The following ARL15 variants were observed in gnomAD, a reference collection of about 807,000 sequenced individuals.
The protein encoded by ARL15 is ARF like GTPase 15.
A neutral mutation model predicts 25.2 loss-of-function variants in ARL15; 19 were observed. The observed-to-expected ratio is 0.75, with a 90% CI of 0.53 to 1.10. The LOEUF is 1.10. Among genes scored for constraint, ARL15 ranks in the 50% least tolerant of loss-of-function variants. The pLI is 0.00. For synonymous variants in ARL15, 94 were observed against 86.8 expected (o/e 1.08, Z -0.46); for missense variants, 220 against 246.0 (o/e 0.89, Z 0.71).
chr5:54,028,627 T>A (rs1749866848), intron 4 of ARL15, among the ~76,000 whole-genome samples: 1 of 152,228 alleles, frequency 6.6e-6, no homozygotes, highest in Non-Finnish European at 1.5e-5. Context: ...TAATCTGTTC[T>A]ACCCAACACT....
intron 4 of ARL15, among the ~76,000 whole-genome samples, chr5:54,056,523 G>C (rs185561157): frequency 2.6e-5 from 4 of 151,300 alleles, no homozygotes; most frequent in African/African-American, 7.3e-5. Flanking sequence ...CCAGCTACTC[G>C]GGAGGCTGAG....
intron 4 of ARL15, among the ~76,000 whole-genome samples, chr5:53,925,160 G>T (rs1745978093): frequency 6.6e-6 from 1 of 151,160 alleles, no homozygotes. Flanking sequence ...TCCTAACTTG[G>T]GCCATTTAAA....
intron 1 of ARL15, among the ~76,000 whole-genome samples, chr5:54,229,268 T>G (rs1206478887): frequency 6.6e-6 from 1 of 152,198 alleles, no homozygotes; most frequent in Non-Finnish European, 1.5e-5. Flanking sequence ...TCTCAAAGTT[T>G]GTCTTTCTTT....
chr5:54,087,545 A>AT (rs1752007223), intron 4 of ARL15, among the ~76,000 whole-genome samples: 1 of 152,178 alleles, frequency 6.6e-6, no homozygotes, highest in Non-Finnish European at 1.5e-5. Context: ...TTGGATAGCT[A>AT]AAAGGAATAG....
chr5:54,046,480 C>T (rs1319991288), intron 4 of ARL15, among the ~76,000 whole-genome samples: 2 of 151,588 alleles, frequency 1.3e-5, no homozygotes, highest in African/African-American at 4.8e-5. Flanking sequence ...GACTCTGTCT[C>T]AAAATACATA....
In ARL15 at chr5:53,946,172, G is replaced by T. The variant is rs542145894; in HGVS notation, c.463-59459C>A. ...ACTTTTGGGCTAAAATGACATAATA[G>T]GCTGCGCACCATCGCTCACACCTAT... On this transcript the variant is annotated intron_variant, in intron 4 of 4. Transcript: ENST00000504924. Among the ~76,000 whole-genome samples the T allele has an allele frequency of 7.6e-4, 115 of 152,268 alleles. 3 individuals are homozygous for T. The South Asian group carries it at 0.011, about 15-fold the overall frequency.
At chr5:54,052,370 A>G (rs1750728939) in intron 4 of ARL15, among the ~76,000 whole-genome samples, 1 of 152,196 alleles carries the variant, frequency 6.6e-6, no homozygotes, top group African/African-American at 2.4e-5. Flanking sequence ...CATTGCATAC[A>G]ACAACTTCCC....
intron 4 of ARL15, among the ~76,000 whole-genome samples, chr5:53,988,511 A>G (rs1192705190): frequency 1.3e-5 from 2 of 152,160 alleles, no homozygotes; most frequent in Non-Finnish European, 2.9e-5. Context: ...AAGAATACAC[A>G]TCATTAGGAA....
intron 3 of ARL15, among the ~76,000 whole-genome samples, chr5:54,124,164 A>G (rs1378056712): frequency 3.9e-5 from 6 of 152,208 alleles, no homozygotes; most frequent in Admixed American, 3.9e-4. Context: ...TTTATTGGGT[A>G]TCCAGTAAGG....
intron 1 of ARL15, among the ~76,000 whole-genome samples, chr5:54,221,895 T>TGCACAGTGTGTGCGC (rs1756388816): frequency 6.7e-6 from 1 of 150,256 alleles, no homozygotes; most frequent in African/African-American, 2.4e-5. Flanking sequence ...CATGTGTGCA[T>TGCACAGTGTGTGCGC]GCACAGTGTG....
At chr5:54,199,809 A>C (rs1434941813) in intron 1 of ARL15, among the ~76,000 whole-genome samples, 11 of 83,800 alleles carry the variant, frequency 1.3e-4, no homozygotes, top group Non-Finnish European at 2.9e-4. Context: ...TACCCAAAGG[A>C]CTATAAATCA....
chr5:54,189,442 C>G (rs1363175063), intron 1 of ARL15, among the ~76,000 whole-genome samples: 1 of 152,080 alleles, frequency 6.6e-6, no homozygotes, highest in Non-Finnish European at 1.5e-5. Context: ...AGCATAAACA[C>G]AGACATATAG....
At chr5:54,294,999 C>T (rs1361451877) in intron 1 of ARL15, among the ~76,000 whole-genome samples, 3 of 152,204 alleles carry the variant, frequency 2.0e-5, no homozygotes, top group Non-Finnish European at 4.4e-5. Context: ...TAATCACTCA[C>T]TTTTACGATG....
intron 1 of ARL15, 78 bp from the exon 2 acceptor site, chr5:54,172,006 A>C: frequency 6.6e-7 from 1 of 1,517,910 alleles, no homozygotes; most frequent in Non-Finnish European, 9.0e-7. Context: ...AAAATGACTG[A>C]GTAAGTATTA....
At chr5:54,032,640 A>G (rs907398311) in intron 4 of ARL15, among the ~76,000 whole-genome samples, 2 of 152,190 alleles carry the variant, frequency 1.3e-5, no homozygotes, top group African/African-American at 4.8e-5. Flanking sequence ...AATTTCTCAC[A>G]ATGCAAATAA....
chr5:54,106,203 A>G lies in ARL15; in HGVS notation c.462+6999T>C, dbSNP rs570755519. Among the ~76,000 whole-genome samples, 64 of 152,320 alleles carry G rather than the reference A, an allele frequency of 4.2e-4. 1 individual carries two copies. The highest frequency in any genetic ancestry group is 1.3e-3 in the Admixed American group (20 of 15,298). ...AATCTTTTTAAAACTATGTATTAAC[A>G]TGGTTAGAGTGGTGAGGATTCGAGG... On this transcript the variant is annotated intron_variant, in intron 4 of 4. Coordinates refer to ENST00000504924, the MANE Select transcript of ARL15 (RefSeq NM_019087.3).
intron 4 of ARL15, among the ~76,000 whole-genome samples, chr5:53,925,989 T>TTTTC (rs1408186653): frequency 8.9e-6 from 1 of 112,948 alleles, no homozygotes; most frequent in Admixed American, 1.3e-4. Flanking sequence ...CCTTAGTCTT[T>TTTTC]TTTCTTTCTT....
At chr5:54,179,900 C>T (rs1755003965) in intron 1 of ARL15, among the ~76,000 whole-genome samples, 1 of 151,564 alleles carries the variant, frequency 6.6e-6, no homozygotes, top group Non-Finnish European at 1.5e-5. Context: ...TGCCCGTAGT[C>T]CCAGCTACTC....
intron 1 of ARL15, among the ~76,000 whole-genome samples, chr5:54,304,406 T>C (rs762869661): frequency 6.6e-6 from 1 of 152,254 alleles, no homozygotes; most frequent in Non-Finnish European, 1.5e-5. Context: ...ATAACTCATA[T>C]ACTTATCTCC....
Sources: gnomAD v4.1 joint callset for allele counts (sites outside exome capture counted in the v4.1 genomes callset) on GRCh38, gnomAD v4.1.1 for gene constraint, MANE v1.5 for transcripts, NCBI Gene and HGNC (gene_info 2026-07-23, HGNC 2026-07-21) for gene names.